The following WDPCP variants were observed in gnomAD, a reference collection of about 807,000 sequenced individuals.
WDPCP encodes WD repeat containing planar cell polarity effector, also known as WD repeat-containing and planar cell polarity effector protein fritz homolog.
A neutral mutation model predicts 93.1 loss-of-function variants in WDPCP; 71 were observed. The ratio of observed to expected loss-of-function variants is 0.76; its 90% CI spans 0.63 to 0.93. The LOEUF (loss-of-function observed/expected upper bound fraction) is 0.93. Ranked by LOEUF, WDPCP falls within the 40% of genes least tolerant of loss-of-function variation. WDPCP has a pLI of 0.00. For synonymous variants in WDPCP, 315 were observed against 315.0 expected (o/e 1.00, Z 0.00); for missense variants, 844 against 887.4 (o/e 0.95, Z 0.62).
intron 9 of WDPCP, among the ~76,000 whole-genome samples, chr2:63,409,906 A>G (rs1014338364): frequency 8.5e-5 from 13 of 152,190 alleles, no homozygotes; most frequent in African/African-American, 2.9e-4. Context: ...CAAACCTAAG[A>G]ATAATTGGTG....
At chr2:63,444,572 C>A (rs1697722409) in intron 6 of WDPCP, among the ~76,000 whole-genome samples, 1 of 151,974 alleles carries the variant, frequency 6.6e-6, no homozygotes, top group Non-Finnish European at 1.5e-5. Flanking sequence ...AAAAGAGCAC[C>A]AAGACAGTGT....
At chr2:63,336,956 T>C (rs1688426193) in intron 12 of WDPCP, among the ~76,000 whole-genome samples, 1 of 144,422 alleles carries the variant, frequency 6.9e-6, no homozygotes, top group South Asian at 2.3e-4. Context: ...TGCAGTGGCA[T>C]GATCTCAGAT....
chr2:63,658,089 T>C (rs1344482862), intron 2 of WDPCP, among the ~76,000 whole-genome samples: 1 of 152,232 alleles, frequency 6.6e-6, no homozygotes, highest in Admixed American at 6.5e-5. Flanking sequence ...GGTTCACCCT[T>C]TATGAACATC....
intron 13 of WDPCP, among the ~76,000 whole-genome samples, chr2:63,302,179 A>C (rs1369602183): frequency 6.6e-6 from 1 of 152,160 alleles, no homozygotes; most frequent in Non-Finnish European, 1.5e-5. Context: ...AGCTTTCCAA[A>C]ATTTAACTCA....
At chr2:63,597,623 C>T in intron 3 of WDPCP, 1 of 1,330,438 alleles carries the variant, frequency 7.5e-7, no homozygotes, top group Non-Finnish European at 9.7e-7. Context: ...GCATTTGAAA[C>T]TTATGCTTTT....
chr2:63,553,031 G>A (rs2106368258), intron 1 of WDPCP, among the ~76,000 whole-genome samples: 1 of 152,292 alleles, frequency 6.6e-6, no homozygotes, highest in South Asian at 2.1e-4. Flanking sequence ...TAACCTCTCT[G>A]GGCCTGATGG....
chr2:63,487,715 C>A (rs1700650531), intron 2 of WDPCP, among the ~76,000 whole-genome samples: 1 of 151,978 alleles, frequency 6.6e-6, no homozygotes, highest in African/African-American at 2.4e-5. Flanking sequence ...AAGATTTACA[C>A]AAAACTAGAA....
chr2:63,803,291 A>G (rs1670720469), intron 2 of WDPCP, among the ~76,000 whole-genome samples: 1 of 152,188 alleles, frequency 6.6e-6, no homozygotes, highest in Non-Finnish European at 1.5e-5. Context: ...GGAAAAATCG[A>G]TTTTAATACT....
rs983067209 is a variant in WDPCP at position 63,524,290 on chromosome 2, T to C, written c.76-31350A>G. Among the ~76,000 whole-genome samples, 3 of 52,338 alleles carry C rather than the reference T, an allele frequency of 5.7e-5. No individual in the cohort carries two copies. The Admixed American group carries it at 6.2e-4, about 11-fold the overall frequency. 34.3% of individuals were successfully genotyped at this position (52,338 alleles called of 152,430 possible). On this transcript the variant is annotated intron_variant, in intron 1 of 17. Coordinates refer to ENST00000272321, the MANE Select transcript of WDPCP (RefSeq NM_015910.7). ...AAATTCATATGGAACCAAAAAAGAA[T>C]AGCCAAAGCAATCTAAGCAAAAAGA...
chr2:63,548,543 CA>C (rs1310803705), intron 1 of WDPCP, among the ~76,000 whole-genome samples: 1 of 152,108 alleles, frequency 6.6e-6, no homozygotes. Context: ...ACACTACACT[CA>C]AAAGCTAAAG....
chr2:63,477,559 A>T (rs925946924), intron 6 of WDPCP, among the ~76,000 whole-genome samples: 8 of 152,138 alleles, frequency 5.3e-5, no homozygotes, highest in African/African-American at 1.7e-4. Flanking sequence ...TCCCACTCAG[A>T]CACACAGAGC....
intron 1 of WDPCP, among the ~76,000 whole-genome samples, chr2:63,569,007 G>C (rs1165482849): frequency 6.6e-6 from 1 of 152,200 alleles, no homozygotes; most frequent in Non-Finnish European, 1.5e-5. Flanking sequence ...GAAAGTCTTT[G>C]AAGAGGAATC....
rs148045642 is a variant in WDPCP, at chr2:63,251,819, C to T, written c.1915+7488G>A. Among the ~76,000 whole-genome samples, 15 of 151,464 alleles carry T rather than the reference C, an allele frequency of 9.9e-5. No homozygotes were observed. The East Asian group carries it at 1.9e-3, about 20-fold the overall frequency. On this transcript the variant is annotated intron_variant, in intron 14 of 17. Transcript: ENST00000272321. The stretch of plus-strand genomic sequence containing the variant: ...AAGCCTACCAATTTTTAAAAAGCCC[C>T]GGACCAGATGGATTTGCAGCTGAAT...
chr2:63,384,181 A>G (rs1214271217), intron 10 of WDPCP, among the ~76,000 whole-genome samples: 3 of 152,166 alleles, frequency 2.0e-5, no homozygotes, highest in Non-Finnish European at 4.4e-5. Flanking sequence ...TAAAGACAGT[A>G]AATAGTAAAT....
chr2:63,791,088 T>C (rs996916744), intron 2 of WDPCP, among the ~76,000 whole-genome samples: 21 of 152,214 alleles, frequency 1.4e-4, no homozygotes, highest in Admixed American at 1.4e-3. Context: ...ATTTTTTCTC[T>C]TGACTCACTG....
intron 2 of WDPCP, among the ~76,000 whole-genome samples, chr2:63,722,258 G>T (rs1361284718): frequency 6.6e-6 from 1 of 151,166 alleles, no homozygotes; most frequent in Non-Finnish European, 1.5e-5. Context: ...GTCTCCGCCC[G>T]GCCGCCATCC....
intron 3 of WDPCP, among the ~76,000 whole-genome samples, chr2:63,609,343 A>G (rs552651386): frequency 1.3e-5 from 2 of 152,222 alleles, no homozygotes; most frequent in Non-Finnish European, 2.9e-5. Flanking sequence ...CCTGGGTGAC[A>G]GCAAGACTCC....
intron 1 of WDPCP, among the ~76,000 whole-genome samples, chr2:63,498,328 A>C (rs1217542488): frequency 6.6e-6 from 1 of 152,204 alleles, no homozygotes; most frequent in African/African-American, 2.4e-5. Flanking sequence ...CTTCACATAC[A>C]TTTAGAATGA....
chr2:63,368,295 T>G (rs1035445917), intron 12 of WDPCP, among the ~76,000 whole-genome samples: 4 of 67,180 alleles, frequency 6.0e-5, no homozygotes, highest in African/African-American at 2.8e-4. Context: ...AAGTTTATTT[T>G]TAATTTATTT....
Sources: allele counts gnomAD v4.1 joint callset (sites outside exome capture counted in the v4.1 genomes callset), GRCh38; gene constraint gnomAD v4.1.1; transcripts MANE v1.5; gene names NCBI Gene and HGNC (gene_info 2026-07-23, HGNC 2026-07-21).